CNTN1: variants seen among roughly 807,000 people sequenced by gnomAD.
CNTN1 encodes contactin 1.
In CNTN1, 38 loss-of-function variants were observed where a neutral mutation model predicts 126.4. That is an observed-to-expected ratio of 0.30 (90% CI 0.23 to 0.39). CNTN1 has a LOEUF of 0.39. CNTN1 is among the 10% of genes least tolerant of loss of function. The pLI is 1.00. For missense variants in CNTN1, 1,009 were observed against 1,248.4 expected (o/e 0.81, Z 2.89); for synonymous variants, 413 against 422.6 (o/e 0.98, Z 0.28).
At chr12:40,768,430 T>C (rs1473874280) in intron 1 of CNTN1, among the ~76,000 whole-genome samples, 2 of 152,210 alleles carry the variant, frequency 1.3e-5, no homozygotes, top group African/African-American at 4.8e-5. Flanking sequence ...ACACACTAAT[T>C]AGGAAATCAT....
chr12:40,870,778 C>T (rs866928164), intron 1 of CNTN1, among the ~76,000 whole-genome samples: 6 of 151,938 alleles, frequency 3.9e-5, no homozygotes, highest in East Asian at 3.9e-4. Context: ...CCAAACACAC[C>T]GTCACACACA....
chr12:40,918,928 T>A (rs1945340137), intron 4 of CNTN1, among the ~76,000 whole-genome samples, 157 bp downstream of exon 4: 1 of 152,196 alleles, frequency 6.6e-6, no homozygotes, highest in African/African-American at 2.4e-5. Context: ...AGTTGCCTAA[T>A]GCTCAAATAG....
At chr12:40,990,376 A>G (rs1948070422) in intron 16 of CNTN1, among the ~76,000 whole-genome samples, 1 of 152,078 alleles carries the variant, frequency 6.6e-6, no homozygotes, top group African/African-American at 2.4e-5. Context: ...CCCCTTTGAG[A>G]GAGTTTTATG....
At chr12:40,772,873 T>C (rs1939397736) in intron 1 of CNTN1, among the ~76,000 whole-genome samples, 1 of 151,882 alleles carries the variant, frequency 6.6e-6, no homozygotes, top group South Asian at 2.1e-4. Flanking sequence ...CCCATTAAAA[T>C]TGCCACTTCA....
chr12:40,746,676 G>A (rs1036568815), intron 1 of CNTN1, among the ~76,000 whole-genome samples: 10 of 151,978 alleles, frequency 6.6e-5, no homozygotes, highest in Non-Finnish European at 1.2e-4. Context: ...CTACATGCAC[G>A]GTGGTCTGCT....
At chr12:40,745,633 G>C (rs975264472) in intron 1 of CNTN1, among the ~76,000 whole-genome samples, 7 of 152,120 alleles carry the variant, frequency 4.6e-5, no homozygotes, top group African/African-American at 1.7e-4. Flanking sequence ...TTTCTTATCA[G>C]ACTTAAAAAG....
At chr12:41,032,995 G>C (rs1222510547) in intron 23 of CNTN1, among the ~76,000 whole-genome samples, 1 of 152,060 alleles carries the variant, frequency 6.6e-6, no homozygotes, top group African/African-American at 2.4e-5. Flanking sequence ...TAAAACTATA[G>C]TTTTCATCTC....
intron 1 of CNTN1, among the ~76,000 whole-genome samples, chr12:40,833,197 C>T (rs7980964): frequency 0.45 from 68,801 of 151,890 alleles, 15,798 homozygotes; most frequent in East Asian, 0.7. Context: ...CAAGTTCAAG[C>T]GACTCTTCTG....
chr12:40,883,898 T>A (rs1020728520), intron 1 of CNTN1, among the ~76,000 whole-genome samples: 1 of 151,608 alleles, frequency 6.6e-6, no homozygotes, highest in Admixed American at 6.6e-5. Flanking sequence ...TTAAATACAA[T>A]AATGAACTCA....
At chr12:40,822,739 C>T (rs1396525047) in intron 1 of CNTN1, among the ~76,000 whole-genome samples, 3 of 152,064 alleles carry the variant, frequency 2.0e-5, no homozygotes, top group Non-Finnish European at 4.4e-5. Context: ...GTAATAGCAT[C>T]TTCTTTTTTC....
At chr12:40,726,299 G>A (rs904932753) in intron 1 of CNTN1, among the ~76,000 whole-genome samples, 3 of 152,148 alleles carry the variant, frequency 2.0e-5, no homozygotes, top group Admixed American at 2.0e-4. Context: ...TAAAAAGGAT[G>A]TATTAGTTCA....
chr12:40,706,064 C>A (rs1941730406), intron 1 of CNTN1, among the ~76,000 whole-genome samples: 1 of 151,158 alleles, frequency 6.6e-6, no homozygotes, highest in Non-Finnish European at 1.5e-5. Context: ...ATTTGGGTGG[C>A]AACAGAGATC....
chr12:40,693,363 A>G (rs908593353), intron 1 of CNTN1, among the ~76,000 whole-genome samples: 3 of 152,226 alleles, frequency 2.0e-5, no homozygotes, highest in Admixed American at 1.3e-4. Context: ...CCAGGGAGTC[A>G]AGTGATTGTG....
At chr12:41,011,381 G>T (rs1313895361) in intron 17 of CNTN1, among the ~76,000 whole-genome samples, 5 of 152,196 alleles carry the variant, frequency 3.3e-5, no homozygotes, top group African/African-American at 1.2e-4. Context: ...GAGTCCCTGT[G>T]CTTCAGAATG....
chr12:40,848,831 T>G (rs1462697399), intron 1 of CNTN1, among the ~76,000 whole-genome samples: 3 of 151,636 alleles, frequency 2.0e-5, no homozygotes, highest in Non-Finnish European at 2.9e-5. Context: ...GTGTGTTTTT[T>G]TTTTTTTTTT....
At chr12:40,872,212 TTGTGTGTGTGTGTGTGTGTG>T (rs61187240) in intron 1 of CNTN1, among the ~76,000 whole-genome samples, 9 of 113,516 alleles carry the variant, frequency 7.9e-5, no homozygotes, top group African/African-American at 7.2e-5. Flanking sequence ...GTTGCTTTGT[TTGTGTGTGTGTGTGTGTGTG>T]TGTGTGTGTG....
At chr12:41,065,766 T>C (rs1950038857) in intron 23 of CNTN1, among the ~76,000 whole-genome samples, 1 of 152,108 alleles carries the variant, frequency 6.6e-6, no homozygotes, top group Non-Finnish European at 1.5e-5. Context: ...GGTGAGGAGG[T>C]CATGATGGCA....
intron 23 of CNTN1, among the ~76,000 whole-genome samples, chr12:41,063,323 A>C (rs1949979262): frequency 6.6e-6 from 1 of 152,238 alleles, no homozygotes; most frequent in South Asian, 2.1e-4. Context: ...AAGTCCTGAA[A>C]CACGTTTTTC....
At chr12:40,958,084 G>A (rs888314931) in intron 14 of CNTN1, among the ~76,000 whole-genome samples, 3 of 152,018 alleles carry the variant, frequency 2.0e-5, no homozygotes, top group Non-Finnish European at 4.4e-5. Context: ...TTTAAAAATT[G>A]AGTTTTCCAA....
Sources: gnomAD v4.1 joint callset for allele counts (sites outside exome capture counted in the v4.1 genomes callset) on GRCh38, gnomAD v4.1.1 for gene constraint, MANE v1.5 for transcripts, NCBI Gene and HGNC (gene_info 2026-07-23, HGNC 2026-07-21) for gene names.